Variants in SNX29 observed in about 807,000 individuals in gnomAD.
The protein encoded by SNX29 is sorting nexin-29.
Under a neutral mutation model 102.1 loss-of-function variants are expected in SNX29, and 78 were observed. The observed-to-expected ratio is 0.76, with a 90% CI of 0.64 to 0.92. The LOEUF is 0.92. Among genes scored for constraint, SNX29 ranks in the 40% least tolerant of loss-of-function variants. SNX29 has a pLI of 0.00. For missense variants in SNX29, 1,280 were observed against 1,061.7 expected (o/e 1.21, Z -2.86); for synonymous variants, 580 against 414.5 (o/e 1.40, Z -4.85).
At chr16:12,314,981 A>C (rs1257109589) in intron 15 of SNX29, among the ~76,000 whole-genome samples, 1 of 152,256 alleles carries the variant, frequency 6.6e-6, no homozygotes, top group Non-Finnish European at 1.5e-5. Flanking sequence ...GCAAACCACA[A>C]GTTCCACAAA....
At chr16:12,510,761 C>T (rs1043484409) in intron 19 of SNX29, among the ~76,000 whole-genome samples, 1 of 152,034 alleles carries the variant, frequency 6.6e-6, no homozygotes, top group African/African-American at 2.4e-5. Context: ...CTGCAGTTTG[C>T]GTTGGCTGCA....
At chr16:12,266,686 G>GA (rs59509183) in intron 14 of SNX29, among the ~76,000 whole-genome samples, 47,979 of 130,792 alleles carry the variant, frequency 0.37, 9,692 homozygotes, top group South Asian at 0.71. Context: ...ATCTATTATT[G>GA]AAAAAAAAAA....
intron 13 of SNX29, among the ~76,000 whole-genome samples, chr16:12,132,533 A>C (rs770610197): frequency 9.9e-5 from 15 of 152,134 alleles, no homozygotes; most frequent in Non-Finnish European, 1.5e-4. Flanking sequence ...AGGGATGGAG[A>C]GGATGATCTC....
intron 14 of SNX29, among the ~76,000 whole-genome samples, chr16:12,240,795 G>T (rs1473961008): frequency 6.6e-6 from 1 of 151,616 alleles, no homozygotes; most frequent in Non-Finnish European, 1.5e-5. Flanking sequence ...TAGTGGAGAT[G>T]GTCTTTCACC....
At chr16:12,565,232 GT>G (rs2078948406) in intron 20 of SNX29, among the ~76,000 whole-genome samples, 1 of 152,192 alleles carries the variant, frequency 6.6e-6, no homozygotes, top group African/African-American at 2.4e-5. Context: ...GTATTAGGCT[GT>G]TCTCAATCTA....
chr16:12,109,268 C>T (rs528614808), intron 11 of SNX29, among the ~76,000 whole-genome samples: 6 of 151,330 alleles, frequency 4.0e-5, no homozygotes, highest in African/African-American at 1.2e-4. Flanking sequence ...CCTGAACTGG[C>T]ATAGAGCAGC....
intron 20 of SNX29, among the ~76,000 whole-genome samples, chr16:12,558,923 T>A (rs1324434834): frequency 1.3e-5 from 2 of 152,300 alleles, no homozygotes; most frequent in East Asian, 3.9e-4. Context: ...TCTTGTTTAA[T>A]CTCATAGGTG....
At chr16:12,531,004 C>T (rs1242827548) in intron 20 of SNX29, among the ~76,000 whole-genome samples, 1 of 152,252 alleles carries the variant, frequency 6.6e-6, no homozygotes, top group Admixed American at 6.5e-5. Context: ...TAGTCTGGAA[C>T]ATCTCGATGG....
In SNX29 at chr16:12,571,529, C is replaced by A. The variant is rs1325977214; in HGVS notation, c.*2900C>A. 4 of 838,056 alleles carry A rather than the reference C, an allele frequency of 4.8e-6. No homozygotes were observed. Among genetic ancestry groups the A allele is most frequent in the East Asian group, 1.1e-4 (2 of 18,906 alleles). 51.9% of individuals were successfully genotyped at this position (838,056 alleles called of 1,614,324 possible). On this transcript the variant is annotated 3_prime_UTR_variant, in exon 21 of 21. Transcript: ENST00000566228. Reference sequence around the variant, plus strand: ...TCTCAAGGGCCTTGGATTCCTGGGACCACCCTTTGCTGGGAGGAAGAATCC... The same window carrying A: ...TCTCAAGGGCCTTGGATTCCTGGGAACACCCTTTGCTGGGAGGAAGAATCC...
At chr16:12,357,787 T>C (rs935933567) in intron 16 of SNX29, among the ~76,000 whole-genome samples, 2 of 152,190 alleles carry the variant, frequency 1.3e-5, no homozygotes, top group Admixed American at 6.5e-5. Flanking sequence ...CAACAGAGTC[T>C]TCTCTCATCT....
At chr16:12,083,319 A>C (rs1040050181) in intron 11 of SNX29, among the ~76,000 whole-genome samples, 8 of 151,074 alleles carry the variant, frequency 5.3e-5, no homozygotes, top group African/African-American at 1.7e-4. Context: ...AAAAAAAAAA[A>C]CCCCTCAAAA....
chr16:12,386,625 C>G (rs985757253), intron 16 of SNX29, among the ~76,000 whole-genome samples: 2 of 151,910 alleles, frequency 1.3e-5, no homozygotes, highest in African/African-American at 4.8e-5. Context: ...AAGGAGTCTG[C>G]TAAAAAAGAA....
At chr16:12,540,595 C>T (rs779049955) in intron 20 of SNX29, among the ~76,000 whole-genome samples, 1 of 151,786 alleles carries the variant, frequency 6.6e-6, no homozygotes, top group Non-Finnish European at 1.5e-5. Flanking sequence ...TACTCTGGGA[C>T]CCTGAGATTC....
chr16:12,357,016 G>C (rs1042240081), intron 16 of SNX29, among the ~76,000 whole-genome samples: 2 of 152,204 alleles, frequency 1.3e-5, no homozygotes, highest in African/African-American at 4.8e-5. Context: ...CAATATTTTG[G>C]ATTCAGTAGT....
At chr16:12,554,382 G>GT (rs200495609) in intron 20 of SNX29, among the ~76,000 whole-genome samples, 1 of 88,920 alleles carries the variant, frequency 1.1e-5, no homozygotes, top group Admixed American at 1.1e-4. Flanking sequence ...GTGTTTCTGT[G>GT]CCCCGTGCAT....
chr16:12,554,719 T>TA (rs1355237610), intron 20 of SNX29, among the ~76,000 whole-genome samples: 4 of 152,150 alleles, frequency 2.6e-5, no homozygotes, highest in African/African-American at 9.7e-5. Context: ...ACAGCTGTCT[T>TA]TCAGTCTTTC....
intron 13 of SNX29, among the ~76,000 whole-genome samples, chr16:12,148,538 C>G (rs78147961): frequency 2.0e-5 from 3 of 152,160 alleles, no homozygotes; most frequent in Non-Finnish European, 2.9e-5. Flanking sequence ...CAATCTCCCC[C>G]TCCCCTGCAT....
At chr16:12,414,451 T>C (rs1597296840) in intron 18 of SNX29, among the ~76,000 whole-genome samples, 1 of 152,220 alleles carries the variant, frequency 6.6e-6, no homozygotes, top group East Asian at 1.9e-4. Context: ...GTGGCTTAAG[T>C]GGGACCTTCT....
intron 13 of SNX29, among the ~76,000 whole-genome samples, chr16:12,147,959 C>T (rs564486723): frequency 6.6e-6 from 1 of 152,234 alleles, no homozygotes; most frequent in African/African-American, 2.4e-5. Flanking sequence ...GCAGCAGCAG[C>T]GATGCAGTTT....
Sources: allele counts gnomAD v4.1 joint callset (sites outside exome capture counted in the v4.1 genomes callset), GRCh38; gene constraint gnomAD v4.1.1; transcripts MANE v1.5; gene names NCBI Gene and HGNC (gene_info 2026-07-23, HGNC 2026-07-21).